The following DPP10 variants were observed in gnomAD, a reference collection of about 807,000 sequenced individuals.
The protein encoded by DPP10 is dipeptidyl peptidase like 10.
In DPP10, 33 loss-of-function variants were observed where a neutral mutation model predicts 120.9. The observed-to-expected ratio is 0.27, with a 90% confidence interval of 0.21 to 0.37. The LOEUF (loss-of-function observed/expected upper bound fraction) is 0.37, where lower values mean the gene tolerates loss of function less well. Among genes scored for constraint, DPP10 ranks in the 10% least tolerant of loss-of-function variants. The probability of loss-of-function intolerance (pLI) is 1.00; values close to 1 mark genes in which losing one functional copy is unlikely to be tolerated. For missense variants in DPP10, 816 were observed against 942.8 expected (o/e 0.87, Z 1.76); for synonymous variants, 337 against 326.1 (o/e 1.03, Z -0.36).
At chr2:115,228,039 C>T (rs768388989) in intron 1 of DPP10, among the ~76,000 whole-genome samples, 5 of 151,678 alleles carry the variant, frequency 3.3e-5, no homozygotes, top group East Asian at 1.9e-4. Flanking sequence ...TCTCCTGCTA[C>T]GGCCTCCTGA....
chr2:114,580,997 C>T (rs1690462486), intron 1 of DPP10, among the ~76,000 whole-genome samples: 1 of 151,850 alleles, frequency 6.6e-6, no homozygotes. Context: ...CAAAAGATTA[C>T]CAGGTTTCCT....
At chr2:115,695,635 T>C (rs941473726) in intron 7 of DPP10, among the ~76,000 whole-genome samples, 9 of 152,038 alleles carry the variant, frequency 5.9e-5, no homozygotes, top group Admixed American at 5.9e-4. Context: ...TACCATGACA[T>C]GTGGGAATTA....
chr2:114,947,456 G>T (rs75672935), intron 1 of DPP10, among the ~76,000 whole-genome samples: 1 of 150,422 alleles, frequency 6.6e-6, no homozygotes, highest in Non-Finnish European at 1.5e-5. Flanking sequence ...GTTTCAGGTC[G>T]GTCATAATTG....
intron 1 of DPP10, among the ~76,000 whole-genome samples, chr2:115,258,935 C>G (rs146858599): frequency 3.9e-5 from 6 of 152,250 alleles, no homozygotes; most frequent in African/African-American, 1.4e-4. Flanking sequence ...ATTTATCTTA[C>G]CAATGAAGAT....
chr2:115,506,777 C>CATTTT (rs1402308838), intron 4 of DPP10, among the ~76,000 whole-genome samples: 5 of 151,986 alleles, frequency 3.3e-5, no homozygotes, highest in Non-Finnish European at 5.9e-5. Context: ...CCAGTCTATC[C>CATTTT]ATTTTACTAC....
chr2:115,797,839 G>C (rs1409459863), intron 19 of DPP10, among the ~76,000 whole-genome samples: 1 of 151,854 alleles, frequency 6.6e-6, no homozygotes, highest in African/African-American at 2.4e-5. Flanking sequence ...TTAAGAAGGT[G>C]ACATGGGGGA....
At chr2:115,111,102 T>G (rs1356320316) in intron 1 of DPP10, among the ~76,000 whole-genome samples, 1 of 152,196 alleles carries the variant, frequency 6.6e-6, no homozygotes, top group East Asian at 1.9e-4. Flanking sequence ...GTTCTAATGC[T>G]CAAAAGATAA....
chr2:114,542,918 C>G (rs1016990694), intron 1 of DPP10, among the ~76,000 whole-genome samples: 2 of 152,080 alleles, frequency 1.3e-5, no homozygotes, highest in African/African-American at 4.8e-5. Flanking sequence ...TTCCTCCTTC[C>G]CCAATCATGC....
At chr2:114,976,923 A>G (rs1192427067) in intron 1 of DPP10, among the ~76,000 whole-genome samples, 2 of 151,940 alleles carry the variant, frequency 1.3e-5, no homozygotes, top group South Asian at 4.2e-4. Context: ...TTCTTTGTCC[A>G]TCTTCCATAT....
intron 21 of DPP10, among the ~76,000 whole-genome samples, chr2:115,819,524 T>C (rs1194985185): frequency 6.6e-6 from 1 of 152,016 alleles, no homozygotes; most frequent in East Asian, 1.9e-4. Flanking sequence ...TCCATCCCTC[T>C]TTTTTTTGTT....
intron 1 of DPP10, among the ~76,000 whole-genome samples, chr2:114,982,176 C>T (rs1471134093): frequency 6.6e-6 from 1 of 152,072 alleles, no homozygotes; most frequent in Non-Finnish European, 1.5e-5. Flanking sequence ...TAAAAAAACA[C>T]TTTCAATAAT....
At chr2:115,021,215 TAAATG>T (rs2105176115) in intron 1 of DPP10, among the ~76,000 whole-genome samples, 1 of 151,928 alleles carries the variant, frequency 6.6e-6, no homozygotes, top group East Asian at 1.9e-4. Flanking sequence ...ACAAAAAAGA[TAAATG>T]AAACAAAATC....
intron 1 of DPP10, among the ~76,000 whole-genome samples, chr2:114,962,733 T>C (rs921613021): frequency 3.3e-5 from 5 of 152,232 alleles, no homozygotes; most frequent in African/African-American, 1.2e-4. Context: ...AATCTACTTA[T>C]GGAAGAGACA....
At chr2:115,812,906 A>G (rs1158724318) in intron 19 of DPP10, among the ~76,000 whole-genome samples, 3 of 151,824 alleles carry the variant, frequency 2.0e-5, no homozygotes, top group Non-Finnish European at 4.4e-5. Flanking sequence ...TAGACCACAG[A>G]AGGCATTTAT....
chr2:115,077,038 A>G (rs1342360838), intron 1 of DPP10, among the ~76,000 whole-genome samples: 1 of 152,044 alleles, frequency 6.6e-6, no homozygotes, highest in African/African-American at 2.4e-5. Context: ...GCCTGAATTT[A>G]TCTCAGACTT....
intron 1 of DPP10, among the ~76,000 whole-genome samples, chr2:115,016,049 C>G (rs866747186): frequency 6.6e-6 from 1 of 152,142 alleles, no homozygotes; most frequent in Non-Finnish European, 1.5e-5. Context: ...CAAGACAATC[C>G]TAAGCAAAAA....
intron 3 of DPP10, among the ~76,000 whole-genome samples, chr2:115,414,369 G>T (rs530726981): frequency 1.3e-5 from 2 of 151,998 alleles, no homozygotes; most frequent in African/African-American, 2.4e-5. Flanking sequence ...GCTAGTTTCC[G>T]CCATGCTCTG....
At chr2:114,463,848 A>G (rs1368956158) in intron 1 of DPP10, among the ~76,000 whole-genome samples, 1 of 152,168 alleles carries the variant, frequency 6.6e-6, no homozygotes, top group Non-Finnish European at 1.5e-5. Context: ...TTTTCTGTCC[A>G]TGTATTTCTG....
intron 1 of DPP10, among the ~76,000 whole-genome samples, chr2:115,155,121 T>C (rs1559155070): frequency 6.6e-6 from 1 of 152,042 alleles, no homozygotes; most frequent in Non-Finnish European, 1.5e-5. Context: ...TTGACCGGCT[T>C]GGTCTCGAAC....
Sources: allele counts gnomAD v4.1 joint callset (sites outside exome capture counted in the v4.1 genomes callset), GRCh38; gene constraint gnomAD v4.1.1; transcripts MANE v1.5; gene names NCBI Gene and HGNC (gene_info 2026-07-23, HGNC 2026-07-21).